The following TCTN1 variants were observed in gnomAD, a reference collection of about 807,000 sequenced individuals.
TCTN1 encodes tectonic family member 1, also known as tectonic-1.
TCTN1 carries 58 observed loss-of-function variants against 65.8 expected under a neutral mutation model. The observed-to-expected ratio is 0.88, with a 90% CI of 0.71 to 1.10. TCTN1 has a LOEUF of 1.10. Among genes scored for constraint, TCTN1 ranks in the 50% least tolerant of loss-of-function variants. The probability of loss-of-function intolerance (pLI) is 0.00; values close to 1 mark genes in which losing one functional copy is unlikely to be tolerated. For synonymous variants in TCTN1, 273 were observed against 289.1 expected, an observed-to-expected ratio of 0.94 and a Z score of 0.57; for missense variants, 645 against 719.4, an observed-to-expected ratio of 0.90 and a Z score of 1.18.
rs988233454 is a variant in TCTN1, at chr12:110,639,871, C to T, written c.844-512C>T. 5.3e-5 allele frequency among the ~76,000 whole-genome samples: 8 copies of T among 152,190 alleles called. No homozygotes were observed. Among genetic ancestry groups the T allele is most frequent in the African/African-American group, 7.2e-5 (3 of 41,444 alleles). On this transcript the variant is annotated intron_variant, in intron 7 of 14. Coordinates refer to ENST00000397659, the MANE Select transcript of TCTN1 (RefSeq NM_001082538.3). This position sits in a 1 kb window ranked among gnomAD's most constrained non-coding sequence, Gnocchi z 4.9. ...CCCTGGCAACCACCGATCTACTTTT[C>T]GTCTCTATGGGTTTGCCTATTTGGA... is the stretch of plus-strand genomic sequence containing the variant.
chr12:110,636,267 T>G, intron 6 of TCTN1: 1 of 486,016 alleles, frequency 2.1e-6, no homozygotes, highest in Non-Finnish European at 3.8e-6. Context: ...CTGGAGGAAA[T>G]GAAGATAGAA....
In TCTN1 at chr12:110,640,597, C is replaced by T; in HGVS notation, c.978+80C>T. The stretch of plus-strand genomic sequence containing the variant: ...TTGCGCCGGGGTAACTGGACGCCCT[C>T]CGAGGACGCTCTGTCCCAGCCCATG... On this transcript the variant is annotated intron_variant, in intron 8 of 14. Transcript: ENST00000397659. This position sits in a 1 kb window ranked among gnomAD's most constrained non-coding sequence, Gnocchi z 4.9. 6.2e-6 allele frequency: 10 copies of T among 1,600,558 alleles called. No individual in the cohort carries two copies. The highest frequency in any genetic ancestry group is 8.6e-6 in the Non-Finnish European group (10 of 1,169,554).
Position 110,644,639 on chromosome 12 carries a change from C to G in TCTN1, c.1332-328C>G, listed in dbSNP as rs2067179066. 1 of 349,148 alleles carries G rather than the reference C, an allele frequency of 2.9e-6. No individual in the cohort carries two copies. Among genetic ancestry groups the G allele is most frequent in the Non-Finnish European group, 5.5e-6 (1 of 181,764 alleles). The allele number at this position is 349,148 out of a possible 1,614,324, so 21.6% of individuals were successfully genotyped here. The stretch of plus-strand genomic sequence containing the variant: ...GTTGCAGTGAGCCAAGATTGCCTCA[C>G]TGTACTCCAGCCTGGGCAACAGAGC... On this transcript the variant is annotated intron_variant, in intron 11 of 14. Transcript: ENST00000397659. This position sits in a 1 kb window ranked among gnomAD's most constrained non-coding sequence, Gnocchi z 4.6.
At position 110,616,179 on chromosome 12, in the gene TCTN1, A is replaced by G. The variant is rs569994977; in HGVS notation, c.220+1777A>G. 5.0e-5 allele frequency: 17 copies of G among 339,364 alleles called. No homozygotes were observed. The East Asian group carries it at 1.4e-3, about 27-fold the overall frequency. The allele number at this position is 339,364 out of a possible 1,614,324, so 21.0% of individuals were successfully genotyped here. On this transcript the variant is annotated intron_variant, in intron 1 of 14. Coordinates refer to ENST00000397659, the MANE Select transcript of TCTN1 (RefSeq NM_001082538.3). Reference sequence around the variant, plus strand: ...TCTCCAAAATAAAGCTATGCTTGAAACATCATTATTATAGCATGTGTTCAA... The same window carrying G: ...TCTCCAAAATAAAGCTATGCTTGAAGCATCATTATTATAGCATGTGTTCAA...
chr12:110,621,879 T>C (rs530999105), intron 2 of TCTN1, among the ~76,000 whole-genome samples: 95 of 151,842 alleles, frequency 6.3e-4, no homozygotes, highest in Admixed American at 3.1e-3. Flanking sequence ...GTCTCACGCC[T>C]GTAATCCCAG....
intron 12 of TCTN1, chr12:110,645,772 C>T (rs559026326): frequency 1.9e-5 from 3 of 156,166 alleles, no homozygotes; most frequent in African/African-American, 7.2e-5. Flanking sequence ...GGCCCTGGCC[C>T]AGGGGCGTGC....
At chr12:110,628,075 CG>C in intron 3 of TCTN1, 1 of 1,535,962 alleles carries the variant, frequency 6.5e-7, no homozygotes, top group Admixed American at 2.0e-5. Context: ...AGGACTTTCA[CG>C]GTGGCTGTGT....
At chr12:110,631,200 A>AT (rs1234163687) in intron 4 of TCTN1, among the ~76,000 whole-genome samples, 2 of 151,754 alleles carry the variant, frequency 1.3e-5, no homozygotes, top group Admixed American at 6.6e-5. Flanking sequence ...TAATTTTTGT[A>AT]TTTTTGTAGA....
intron 3 of TCTN1, chr12:110,628,010 T>A: frequency 6.5e-7 from 1 of 1,531,696 alleles, no homozygotes; most frequent in Non-Finnish European, 8.7e-7. Flanking sequence ...ACCAGCCCAG[T>A]GAACATGCCA....
intron 3 of TCTN1, among the ~76,000 whole-genome samples, chr12:110,627,101 T>TC (rs976107213): frequency 1.9e-4 from 28 of 146,744 alleles, no homozygotes; most frequent in Middle Eastern, 3.6e-3. Flanking sequence ...TTTCTTTCTT[T>TC]TTTTTTTTTT....
At chr12:110,614,831 C>T (rs1025752239) in intron 1 of TCTN1, among the ~76,000 whole-genome samples, 1 of 152,146 alleles carries the variant, frequency 6.6e-6, no homozygotes, top group Non-Finnish European at 1.5e-5. Flanking sequence ...CTCTGTTGAC[C>T]TGAATTCTAA....
chr12:110,622,705 A>G (rs2135937952), intron 2 of TCTN1, among the ~76,000 whole-genome samples: 1 of 152,184 alleles, frequency 6.6e-6, no homozygotes, highest in Non-Finnish European at 1.5e-5. Flanking sequence ...AGTGTAGGAA[A>G]GAGATCAGGG....
chr12:110,636,741 C>T (rs2066598985), intron 7 of TCTN1, among the ~76,000 whole-genome samples: 1 of 152,168 alleles, frequency 6.6e-6, no homozygotes, highest in Non-Finnish European at 1.5e-5. Flanking sequence ...GGTTCAGTGA[C>T]ACCACTGTCG....
rs574357762 is a variant in TCTN1 at position 110,639,327 on chromosome 12, G to A, written c.844-1056G>A. 1.3e-5 allele frequency among the ~76,000 whole-genome samples: 2 copies of A among 152,310 alleles called. No individual in the cohort carries two copies. The highest frequency in any genetic ancestry group is 4.1e-4 in the South Asian group (2 of 4,822). On this transcript the variant is annotated intron_variant, in intron 7 of 14. Transcript: ENST00000397659. The surrounding 1 kb of genome is among the most constrained non-coding windows in gnomAD (Gnocchi z 4.9). The stretch of plus-strand genomic sequence containing the variant: ...TACTCTGCTGGTGGTGGCCATGAAT[G>A]CAAAACGTCCTTTAATAGCACTGGG...
chr12:110,633,136 CT>C (rs2066339230), intron 5 of TCTN1, among the ~76,000 whole-genome samples: 1 of 152,196 alleles, frequency 6.6e-6, no homozygotes, highest in African/African-American at 2.4e-5. Flanking sequence ...CTGTGCTCCC[CT>C]ATGCTCCTCT....
intron 1 of TCTN1, among the ~76,000 whole-genome samples, chr12:110,617,703 C>T (rs2065140436): frequency 1.3e-5 from 2 of 149,536 alleles, no homozygotes; most frequent in South Asian, 2.1e-4. Flanking sequence ...TGCAGTGGCA[C>T]GATATCGGCT....
chr12:110,620,148 C>A (rs2065316992), intron 2 of TCTN1, among the ~76,000 whole-genome samples, 192 bp downstream of exon 2: 1 of 152,158 alleles, frequency 6.6e-6, no homozygotes, highest in Admixed American at 6.5e-5. Context: ...TGGCTCACGC[C>A]TGTAATCCCA....
rs537306979 is a variant in TCTN1, at chr12:110,636,777, T to G, written c.843+276T>G. Among the ~76,000 whole-genome samples, 6 of 152,306 alleles carry G rather than the reference T, an allele frequency of 3.9e-5. No individual in the cohort carries two copies. In the South Asian group the frequency reaches 1.2e-3, roughly 32 times the overall value. The stretch of plus-strand genomic sequence containing the variant: ...TGACCAGCAGTGGGTATGATTGACT[T>G]CTGGACATTCAGGCTATCCCTTGCT... On this transcript the variant is annotated intron_variant, in intron 7 of 14. Coordinates refer to ENST00000397659, the MANE Select transcript of TCTN1 (RefSeq NM_001082538.3).
At chr12:110,619,296 A>G (rs1409977544) in intron 1 of TCTN1, among the ~76,000 whole-genome samples, 1 of 152,196 alleles carries the variant, frequency 6.6e-6, no homozygotes, top group African/African-American at 2.4e-5. Context: ...AGCCGGTATG[A>G]TTCTTGGCCA....
Sources: gnomAD v4.1 joint callset for allele counts (sites outside exome capture counted in the v4.1 genomes callset) on GRCh38, gnomAD v4.1.1 for gene constraint, Gnocchi (gnomAD v3.1) non-coding constraint, MANE v1.5 for transcripts, NCBI Gene and HGNC (gene_info 2026-07-23, HGNC 2026-07-21) for gene names.